The following LAMB1 variants were observed in gnomAD, a reference collection of about 807,000 sequenced individuals.
LAMB1 encodes laminin subunit beta-1.
In LAMB1, 121 loss-of-function variants were observed where a neutral mutation model predicts 222.3. That is an observed-to-expected ratio of 0.54 (90% CI 0.47 to 0.63). The LOEUF is 0.63. LAMB1 is among the 30% of genes least tolerant of loss of function. The pLI is 0.00. For missense variants in LAMB1, 2,172 were observed against 2,240.8 expected, an observed-to-expected ratio of 0.97 and a Z score of 0.62; for synonymous variants, 794 against 807.2, an observed-to-expected ratio of 0.98 and a Z score of 0.28.
At chr7:107,945,829 T>A (rs1211786562) in intron 24 of LAMB1, among the ~76,000 whole-genome samples, 1 of 152,222 alleles carries the variant, frequency 6.6e-6, no homozygotes, top group Non-Finnish European at 1.5e-5. Context: ...AGATGGCCAC[T>A]AGAGCTAATC....
At chr7:107,968,261 T>C (rs2033673562) in intron 13 of LAMB1, among the ~76,000 whole-genome samples, 1 of 152,190 alleles carries the variant, frequency 6.6e-6, no homozygotes, top group African/African-American at 2.4e-5. Flanking sequence ...AAAAATCAAA[T>C]CTGATAGAAA....
rs1022422955 is a variant in LAMB1 at position 107,934,209 on chromosome 7, A to G, written c.4188+1206T>C. 3.3e-5 allele frequency among the ~76,000 whole-genome samples: 5 copies of G among 152,208 alleles called. No homozygotes were observed. The South Asian group carries it at 6.2e-4, about 19-fold the overall frequency. ...TATAAAGTTTCAGAAGATAATGAGT[A>G]TGAAACCTAGCAGGCATCAATAAAC... On this transcript the variant is annotated intron_variant, in intron 27 of 33. Transcript: ENST00000222399.
At position 107,975,217 on chromosome 7, in the gene LAMB1, T is replaced by G; in HGVS notation, c.1369+17A>C. On this transcript the variant is annotated intron_variant, in intron 11 of 33. Transcript: ENST00000222399. ...AAACACAAGAAAACTCCCAAACTTT[T>G]TAGCAAACAGACCTACATTTACAAC... 1 of 1,601,212 alleles carries G rather than the reference T, an allele frequency of 6.2e-7. No homozygotes were observed. Among genetic ancestry groups the G allele is most frequent in the Non-Finnish European group, 8.5e-7 (1 of 1,170,850 alleles).
In LAMB1 at chr7:107,969,194, G is replaced by A. The variant is rs746663180; in HGVS notation, c.1562+3798C>T. On this transcript the variant is annotated intron_variant, in intron 13 of 33. Coordinates refer to ENST00000222399, the MANE Select transcript of LAMB1 (RefSeq NM_002291.3). ...TCCCAGCTACTTGGGAGGCTGAGGC[G>A]GGAGAATGGCATGAACCTGGGATGC... is the stretch of plus-strand genomic sequence containing the variant. Among the ~76,000 whole-genome samples, 9 of 151,782 alleles carry A rather than the reference G, an allele frequency of 5.9e-5. No homozygotes were observed. The East Asian group carries it at 7.8e-4, about 13-fold the overall frequency.
At chr7:107,926,037 A>C (rs531390454) in intron 32 of LAMB1, 146 bp downstream of exon 32, 12 of 611,294 alleles carry the variant, frequency 2.0e-5, no homozygotes, top group Non-Finnish European at 3.5e-5. Flanking sequence ...CCACACTTCT[A>C]AAGACGGCTG....
At chr7:108,001,802 A>G in intron 2 of LAMB1, 69 bp from the exon 3 acceptor site, 3 of 1,462,196 alleles carry the variant, frequency 2.1e-6, no homozygotes, top group Non-Finnish European at 2.8e-6. Context: ...AAAACGAACA[A>G]GCGGGGGCGG....
intron 28 of LAMB1, 54 bp downstream of exon 28, chr7:107,932,120 C>T (rs979517650): frequency 1.3e-6 from 2 of 1,491,664 alleles, no homozygotes; most frequent in African/African-American, 1.4e-5. Context: ...ATCCTTTAGT[C>T]CACAGCTGAA....
intron 13 of LAMB1, among the ~76,000 whole-genome samples, chr7:107,968,063 C>T (rs943146502): frequency 2.0e-5 from 3 of 152,044 alleles, no homozygotes; most frequent in Admixed American, 1.3e-4. Flanking sequence ...GACCAGATCT[C>T]GACCTTGCTA....
chr7:107,961,607 A>G lies in LAMB1; in HGVS notation c.1927T>C (p.Cys643Arg). 1.2e-6 allele frequency: 2 copies of G among 1,614,132 alleles called. No homozygotes were observed. Residue 643 changes from cysteine (C) to arginine (R), a missense_variant, in exon 16 of 34, where the codon TGT becomes CGT. Physicochemically the swap from Cys to Arg is radical, Grantham distance 180. Transcript: ENST00000222399. ...TCATCATCGGGGATGGTATTACCAC[A>G]TCGGCTGCTGGTTGGAATCCTTCCA... ...RPGRIPTSSRCGNTIPDDDNQ... is the reference protein window; with the variant it reads ...RPGRIPTSSRRGNTIPDDDNQ...
chr7:107,929,043 G>GTAA, intron 31 of LAMB1, 21 bp downstream of exon 31: 1 of 1,610,180 alleles, frequency 6.2e-7, no homozygotes, highest in African/African-American at 1.3e-5. Context: ...TCCCATTCAT[G>GTAA]TAATGATTGT....
At chr7:107,959,077 A>T (rs906869733) in intron 20 of LAMB1, among the ~76,000 whole-genome samples, 172 bp downstream of exon 20, 5 of 152,206 alleles carry the variant, frequency 3.3e-5, no homozygotes, top group African/African-American at 1.2e-4. Context: ...CACATAGAGG[A>T]TGTCAACTCA....
rs1253775399 is a variant in LAMB1, at chr7:107,978,098, G to C, written c.949C>G (p.His317Asp). 5 of 1,614,068 alleles carry C rather than the reference G, an allele frequency of 3.1e-6. No homozygotes were observed. The Admixed American group carries it at 8.3e-5, about 27-fold the overall frequency. The change falls in exon 9 of 34, where the codon CAT (histidine) becomes GAT (aspartate). Residue 317 changes from histidine to aspartate, a missense_variant. Transcript: ENST00000222399. ...TCAGCAGGTCTCCAAGGTAAATCAT[G>C]GTAGAAATCCATGCAGAGTTCACAG... ...LNCELCMDFY[H>D]DLPWRPAEGR...
At chr7:107,979,211 C>G (rs1380587062) in intron 8 of LAMB1, among the ~76,000 whole-genome samples, 3 of 152,312 alleles carry the variant, frequency 2.0e-5, no homozygotes, top group South Asian at 4.1e-4. Context: ...AAAGATGGAC[C>G]AATAAGATTA....
At chr7:107,972,097 T>C (rs900028369) in intron 13 of LAMB1, among the ~76,000 whole-genome samples, 1 of 152,222 alleles carries the variant, frequency 6.6e-6, no homozygotes, top group African/African-American at 2.4e-5. Context: ...TAAGAACAGA[T>C]ATTCACACCG....
At chr7:107,955,430 C>T (rs1374690044) in intron 21 of LAMB1, 37 bp downstream of exon 21, 6 of 1,556,888 alleles carry the variant, frequency 3.9e-6, no homozygotes, top group East Asian at 2.3e-5. Flanking sequence ...ACATCTTTTT[C>T]TCTCTCTTTG....
chr7:107,998,966 A>C (rs2034330208), intron 3 of LAMB1, among the ~76,000 whole-genome samples: 1 of 152,258 alleles, frequency 6.6e-6, no homozygotes, highest in Non-Finnish European at 1.5e-5. Context: ...GTATTTAGAG[A>C]AGCTTTGGGA....
intron 24 of LAMB1, among the ~76,000 whole-genome samples, chr7:107,946,971 A>G (rs926673104): frequency 6.6e-6 from 1 of 152,174 alleles, no homozygotes; most frequent in Admixed American, 6.5e-5. Flanking sequence ...AGAGGCCCCA[A>G]ATGGAAACTT....
Position 108,001,646 on chromosome 7 carries a change from AG to A in LAMB1, c.124del (p.Leu42PhefsTer11). 6.2e-7 allele frequency: 1 copy of A among 1,613,228 alleles called. No individual in the cohort carries two copies. The highest frequency in any genetic ancestry group is 8.5e-7 in the Non-Finnish European group (1 of 1,179,898). ...EGSCYPATGD[L>X]LIGRAQKLSV... Reference sequence around the variant, plus strand: ...AAGCTTCTGTGCTCGGCCGATGAGAAGGTCGCCCGTGGCGGGATAGCAGCTG... The same window carrying A: ...AAGCTTCTGTGCTCGGCCGATGAGAAGTCGCCCGTGGCGGGATAGCAGCTG... On this transcript the variant is annotated frameshift_variant, in exon 3 of 34. Transcript: ENST00000222399. LOFTEE classifies it high-confidence loss of function.
At chr7:107,976,565 T>G (rs1006372761) in intron 9 of LAMB1, among the ~76,000 whole-genome samples, 18 of 152,156 alleles carry the variant, frequency 1.2e-4, no homozygotes, top group Non-Finnish European at 2.5e-4. Context: ...CTGGCCCTCC[T>G]GAGCCTCTGC....
Sources: allele counts gnomAD v4.1 joint callset (sites outside exome capture counted in the v4.1 genomes callset), GRCh38; gene constraint gnomAD v4.1.1; transcripts MANE v1.5; gene names NCBI Gene and HGNC (gene_info 2026-07-23, HGNC 2026-07-21).